The following LINGO2 variants were observed in gnomAD, a reference collection of about 807,000 sequenced individuals.
LINGO2 encodes the protein leucine-rich repeat and immunoglobulin-like domain-containing nogo receptor-interacting protein 2.
A neutral mutation model predicts 30.6 loss-of-function variants in LINGO2; 14 were observed. The ratio of observed to expected loss-of-function variants is 0.46; its 90% confidence interval spans 0.30 to 0.72. LINGO2 has a LOEUF of 0.72. Among genes scored for constraint, LINGO2 ranks in the 30% least tolerant of loss-of-function variants. The pLI, the probability that LINGO2 is intolerant of heterozygous loss-of-function variation, is 0.07. For synonymous variants in LINGO2, 317 were observed against 288.5 expected (o/e 1.10, Z -1.00); for missense variants, 729 against 751.7 (o/e 0.97, Z 0.35).
the LINGO2 span, among the ~76,000 whole-genome samples, chr9:28,775,510 T>G: frequency 6.6e-6 from 1 of 152,208 alleles, no homozygotes; most frequent in African/African-American, 2.4e-5. Flanking sequence ...CATAGTTCCC[T>G]GGTCAATTAT....
intron 5 of LINGO2, among the ~76,000 whole-genome samples, chr9:28,005,532 C>T (rs10757706): frequency 0.72 from 109,165 of 151,878 alleles, 39,854 homozygotes; most frequent in East Asian, 0.82. Context: ...ACTTGGTATT[C>T]GGTGTTCCAA....
intron 4 of LINGO2, among the ~76,000 whole-genome samples, chr9:28,059,993 T>C (rs905896851): frequency 2.6e-5 from 4 of 152,060 alleles, no homozygotes; most frequent in African/African-American, 9.7e-5. Flanking sequence ...GATTCACTGA[T>C]CCTTAGTGTC....
At chr9:28,482,277 C>T (rs1826002418) in intron 1 of LINGO2, among the ~76,000 whole-genome samples, 1 of 152,000 alleles carries the variant, frequency 6.6e-6, no homozygotes, top group Admixed American at 6.6e-5. Context: ...ACATCCTCTC[C>T]AGCACCTGTT....
chr9:29,178,601 C>G, the LINGO2 span, among the ~76,000 whole-genome samples: 1 of 152,036 alleles, frequency 6.6e-6, no homozygotes, highest in Admixed American at 6.5e-5. Flanking sequence ...TGTATAACTT[C>G]CACTGTTGAA....
chr9:28,914,439 A>G, the LINGO2 span, among the ~76,000 whole-genome samples: 1 of 152,218 alleles, frequency 6.6e-6, no homozygotes, highest in Non-Finnish European at 1.5e-5. Flanking sequence ...ATTTTAGGAT[A>G]TTTAGACCAT....
At chr9:28,150,266 G>A (rs1193058977) in intron 4 of LINGO2, among the ~76,000 whole-genome samples, 1 of 152,206 alleles carries the variant, frequency 6.6e-6, no homozygotes, top group Non-Finnish European at 1.5e-5. Flanking sequence ...ATCTCTGCCC[G>A]GCTGCTGTGC....
chr9:28,192,956 TAAGAG>T (rs1490178523), intron 4 of LINGO2, among the ~76,000 whole-genome samples: 9 of 152,258 alleles, frequency 5.9e-5, no homozygotes, highest in African/African-American at 2.2e-4. Flanking sequence ...CTAAAGACAT[TAAGAG>T]AAGAGATAAT....
the LINGO2 span, among the ~76,000 whole-genome samples, chr9:28,719,641 C>T: frequency 6.6e-6 from 1 of 151,828 alleles, no homozygotes; most frequent in Non-Finnish European, 1.5e-5. Flanking sequence ...TTATGCTTTC[C>T]TCTTATTGAA....
chr9:28,917,452 T>G, the LINGO2 span, among the ~76,000 whole-genome samples: 3 of 149,116 alleles, frequency 2.0e-5, no homozygotes, highest in South Asian at 2.1e-4. Flanking sequence ...TTTTTTTGGG[T>G]TTTTTTTTCT....
At chr9:28,803,493 T>A in the LINGO2 span, among the ~76,000 whole-genome samples, 8 of 151,800 alleles carry the variant, frequency 5.3e-5, no homozygotes, top group Non-Finnish European at 8.8e-5. Context: ...TAAATAATTT[T>A]AAATATGATA....
the LINGO2 span, among the ~76,000 whole-genome samples, chr9:28,880,094 C>T: frequency 2.6e-5 from 4 of 152,210 alleles, no homozygotes; most frequent in South Asian, 4.2e-4. Flanking sequence ...TTGAACTCTG[C>T]CCTTAGAAGA....
chr9:28,298,499 C>CA lies in LINGO2; in HGVS notation c.-245-3134dup, dbSNP rs113910404. ...CAACATGGTGAAATCCTGTCTCTACCAAAAAAAAAAAAAAAGAAAGAAAAA... is the reference window on the plus strand; with the variant it reads ...CAACATGGTGAAATCCTGTCTCTACCAAAAAAAAAAAAAAAAGAAAGAAAAA... On this transcript the variant is annotated intron_variant, in intron 3 of 5. Coordinates refer to ENST00000379992, the Ensembl canonical transcript of LINGO2. 8.5e-3 allele frequency among the ~76,000 whole-genome samples: 953 copies of CA among 112,350 alleles called. 7 individuals are homozygous for CA. Among genetic ancestry groups the CA allele is most frequent in the African/African-American group, 0.023 (721 of 30,826 alleles). The allele number at this position is 112,350 out of a possible 152,430, so 73.7% of individuals were successfully genotyped here. A position where few individuals can be genotyped will look rare whatever the true frequency, so the allele number is the denominator to read the frequency against.
chr9:28,892,788 A>C, the LINGO2 span, among the ~76,000 whole-genome samples: 7 of 152,008 alleles, frequency 4.6e-5, no homozygotes, highest in African/African-American at 1.7e-4. Context: ...TTCCTTAAAT[A>C]GTTTTAAATT....
chr9:28,603,504 A>G (rs1464367681), intron 1 of LINGO2, among the ~76,000 whole-genome samples: 1 of 152,074 alleles, frequency 6.6e-6, no homozygotes, highest in Non-Finnish European at 1.5e-5. Context: ...TTGTAGCCAC[A>G]TTAATGTAAA....
At chr9:28,918,814 A>G in the LINGO2 span, among the ~76,000 whole-genome samples, 2 of 152,194 alleles carry the variant, frequency 1.3e-5, no homozygotes, top group East Asian at 3.8e-4. Context: ...AAACTAGGAC[A>G]TAAACTGCAA....
intron 4 of LINGO2, among the ~76,000 whole-genome samples, chr9:28,061,843 C>G (rs1354646801): frequency 6.6e-6 from 1 of 151,978 alleles, no homozygotes; most frequent in African/African-American, 2.4e-5. Context: ...TCTTCAAGCC[C>G]CAGTTTTCAC....
At chr9:29,038,208 T>A in the LINGO2 span, among the ~76,000 whole-genome samples, 2 of 152,066 alleles carry the variant, frequency 1.3e-5, no homozygotes, top group Non-Finnish European at 2.9e-5. Flanking sequence ...GTTTCCAAAG[T>A]GGTTGTATCG....
intron 2 of LINGO2, among the ~76,000 whole-genome samples, chr9:28,454,433 C>T (rs1824764468): frequency 6.6e-6 from 1 of 151,888 alleles, no homozygotes; most frequent in Non-Finnish European, 1.5e-5. Context: ...GATATAACAC[C>T]TGCAGAATAA....
chr9:29,034,448 A>C, the LINGO2 span, among the ~76,000 whole-genome samples: 1 of 152,174 alleles, frequency 6.6e-6, no homozygotes, highest in African/African-American at 2.4e-5. Context: ...GTGGCCCAGC[A>C]AACTGTAAGC....
Sources: gnomAD v4.1 joint callset for allele counts (sites outside exome capture counted in the v4.1 genomes callset) on GRCh38, gnomAD v4.1.1 for gene constraint, MANE v1.5 for transcripts, NCBI Gene and HGNC (gene_info 2026-07-23, HGNC 2026-07-21) for gene names.